The following DCTN1 variants were observed in gnomAD, a reference collection of about 807,000 sequenced individuals.
DCTN1 encodes 150 kDa dynein-associated polypeptide.
A neutral mutation model predicts 161.2 loss-of-function variants in DCTN1; 61 were observed. That is an observed-to-expected ratio of 0.38 (90% CI 0.31 to 0.47). DCTN1 has a LOEUF of 0.47. DCTN1 is among the 20% of genes least tolerant of loss of function. The pLI, the probability that DCTN1 is intolerant of heterozygous loss-of-function variation, is 0.99. For missense variants in DCTN1, 1,404 were observed against 1,623.7 expected (o/e 0.86, Z 2.33); for synonymous variants, 653 against 632.4 (o/e 1.03, Z -0.49).
intron 5 of DCTN1, among the ~76,000 whole-genome samples, chr2:74,376,008 G>T (rs915563286): frequency 6.6e-6 from 1 of 152,202 alleles, no homozygotes; most frequent in African/African-American, 2.4e-5. Flanking sequence ...AAAACAGCTT[G>T]GGCAGAGGCC....
upstream of DCTN1, among the ~76,000 whole-genome samples, chr2:74,380,818 C>G (rs907820270): frequency 2.6e-5 from 4 of 152,212 alleles, no homozygotes; most frequent in African/African-American, 9.6e-5. Flanking sequence ...TAGCCCCCTC[C>G]CACAAGGCTG....
chr2:74,382,238 T>C (rs548031427), upstream of DCTN1, among the ~76,000 whole-genome samples: 2 of 152,340 alleles, frequency 1.3e-5, no homozygotes, highest in African/African-American at 4.8e-5. Flanking sequence ...TATTTTCCTA[T>C]GAAATGAAAA....
Position 74,363,110 on chromosome 2 carries a change from C to A in DCTN1, c.3413G>T (p.Gly1138Val). Residue 1138 changes from glycine to valine, a missense_variant, in exon 29 of 32, where the codon GGC (glycine) becomes GTC (valine). Transcript: ENST00000628224. ...TCCAGCTGGTAACTCACTGCCAGGG[C>A]CCTCATGGGATAGCTTTGCAACATG... ...PLHVAKLSHE[G>V]PGSELPAGAL... 1 of 1,613,740 alleles carries A rather than the reference C, an allele frequency of 6.2e-7. No homozygotes were observed. The highest frequency in any genetic ancestry group is 8.5e-7 in the Non-Finnish European group (1 of 1,179,844).
At chr2:74,380,706 T>C, upstream of DCTN1, 2 of 389,632 alleles carry the variant, frequency 5.1e-6, no homozygotes, top group South Asian at 3.7e-5. Flanking sequence ...TGGATTTCAA[T>C]CTCACACTGA....
upstream of DCTN1, among the ~76,000 whole-genome samples, chr2:74,381,045 T>C (rs1008310909): frequency 1.3e-5 from 2 of 152,224 alleles, no homozygotes; most frequent in African/African-American, 4.8e-5. Context: ...AATGAAATGG[T>C]TTATTTTCTA....
chr2:74,362,336 A>T (rs1674069420), intron 30 of DCTN1, among the ~76,000 whole-genome samples, 195 bp from the exon 31 acceptor site: 1 of 152,104 alleles, frequency 6.6e-6, no homozygotes, highest in African/African-American at 2.4e-5. Context: ...CTCATCCTGT[A>T]AGGCCCAACT....
upstream of DCTN1, chr2:74,380,571 G>A (rs115156688): frequency 1.5e-3 from 684 of 471,680 alleles, 2 homozygotes; most frequent in Non-Finnish European, 2.5e-3. Context: ...ACTTCAAAGC[G>A]ATCAGCTGCC....
intron 21 of DCTN1, 33 bp from the exon 22 acceptor site, chr2:74,366,653 T>C: frequency 2.5e-6 from 4 of 1,613,226 alleles, no homozygotes; most frequent in Non-Finnish European, 3.4e-6. Flanking sequence ...GAGTCAACCC[T>C]GGGTTCAGCA....
intron 1 of DCTN1, 59 bp downstream of exon 1, chr2:74,379,946 C>T: frequency 6.4e-7 from 1 of 1,561,230 alleles, no homozygotes; most frequent in Non-Finnish European, 8.8e-7. Flanking sequence ...ATGATGTCCA[C>T]AGGCAGCCAG....
In DCTN1 at chr2:74,361,624, GCTC is replaced by G; in HGVS notation, c.3709_3711del (p.Glu1237del). 1 of 1,614,154 alleles carries G rather than the reference GCTC, an allele frequency of 6.2e-7. No individual in the cohort carries two copies. Among genetic ancestry groups the G allele is most frequent in the Non-Finnish European group, 8.5e-7 (1 of 1,180,030 alleles). Reference sequence around the variant, plus strand: ...CCCATGTAGACTGTGTCATCCTGCTGCTCCTCCTTGGCCTGGTGGTTGATGAGG... The same window carrying G: ...CCCATGTAGACTGTGTCATCCTGCTGCTCCTTGGCCTGGTGGTTGATGAGG... On this transcript the variant is annotated inframe_deletion, in exon 32 of 32. Coordinates refer to ENST00000628224, the MANE Select transcript of DCTN1 (RefSeq NM_004082.5).
At chr2:74,366,163 C>T (rs895893019) in intron 23 of DCTN1, 81 bp downstream of exon 23, 57 of 1,611,214 alleles carry the variant, frequency 3.5e-5, no homozygotes, top group Non-Finnish European at 4.2e-5. Context: ...CCTGTCTCCC[C>T]GTCCTCCCAC....
intron 4 of DCTN1, 107 bp from the exon 5 acceptor site, chr2:74,376,869 G>A (rs1012420291): frequency 7.2e-6 from 7 of 972,578 alleles, no homozygotes; most frequent in Non-Finnish European, 1.1e-5. Flanking sequence ...GGGGGAGTCA[G>A]GGTGAGATGA....
At chr2:74,381,658 G>C (rs754439414), upstream of DCTN1, among the ~76,000 whole-genome samples, 1 of 152,130 alleles carries the variant, frequency 6.6e-6, no homozygotes, top group Non-Finnish European at 1.5e-5. Flanking sequence ...ATAGAACCAT[G>C]GTTGAGTACT....
In DCTN1 at chr2:74,370,033, T is replaced by C. The variant is rs763480310; in HGVS notation, c.1324A>G (p.Met442Val). Residue 442 changes from methionine (M) to valine (V), a missense_variant, in exon 13 of 32, where the codon ATG becomes GTG. Physicochemically the swap from Met to Val is conservative, Grantham distance 21. Transcript: ENST00000628224. This position sits in a 1 kb window ranked among gnomAD's most constrained non-coding sequence, Gnocchi z 4.4. ...AALGAEEMVE[M>V]LTDRNLNLEE... ...AGATTCAGGTTCCGATCTGTCAGCA[T>C]CTCCACCATCTCCTCAGCACCCAGA... 3.7e-5 allele frequency: 60 copies of C among 1,614,004 alleles called. No homozygotes were observed. The highest frequency in any genetic ancestry group is 5.3e-5 in the African/African-American group (4 of 74,900).
In DCTN1 at chr2:74,361,253, C is replaced by T; in HGVS notation, c.*246G>A. Reference sequence around the variant, plus strand: ...GGGGTCTCAGCCTACCCCCCACAAGCCCTGAGGCCCCTCAGGAAGGAGGGA... The same window carrying T: ...GGGGTCTCAGCCTACCCCCCACAAGTCCTGAGGCCCCTCAGGAAGGAGGGA... On this transcript the variant is annotated 3_prime_UTR_variant, in exon 32 of 32. Transcript: ENST00000628224. The T allele has an allele frequency of 1.5e-6, 1 of 652,758 alleles. No homozygotes were observed. The allele number at this position is 652,758 out of a possible 1,614,324, so 40.4% of individuals were successfully genotyped here.
rs763894608 is a variant in DCTN1, at chr2:74,362,737, G to A, written c.3530-8C>T. The A allele has an allele frequency of 6.2e-7, 1 of 1,613,688 alleles. No individual in the cohort carries two copies. The highest frequency in any genetic ancestry group is 1.7e-5 in the Admixed American group (1 of 60,010). On this transcript the variant is annotated splice_polypyrimidine_tract_variant and splice_region_variant and intron_variant, in intron 29 of 31. Coordinates refer to ENST00000628224, the MANE Select transcript of DCTN1 (RefSeq NM_004082.5). ...CCGACGGGCTCTTGGCAGCTGTGGG[G>A]AGAGAAAGCTGGTGAGGCCCACCAA... is the stretch of plus-strand genomic sequence containing the variant.
chr2:74,362,545 C>T, intron 30 of DCTN1, 105 bp downstream of exon 30: 1 of 1,214,612 alleles, frequency 8.2e-7, no homozygotes, highest in Non-Finnish European at 1.2e-6. Context: ...CCATCTCCTC[C>T]CCAATTGCTG....
chr2:74,363,801 G>A (rs1027126050), intron 26 of DCTN1, 173 bp from the exon 27 acceptor site: 13 of 845,892 alleles, frequency 1.5e-5, no homozygotes, highest in African/African-American at 1.0e-4. Flanking sequence ...TTGGGGACGA[G>A]CAGATAAGTG....
chr2:74,368,620 T>C (rs1441542289), intron 16 of DCTN1, 108 bp downstream of exon 16: 12 of 1,504,490 alleles, frequency 8.0e-6, no homozygotes, highest in African/African-American at 2.7e-5. Context: ...CACTATACCA[T>C]AAACTCTTTG....
Sources: allele counts gnomAD v4.1 joint callset (sites outside exome capture counted in the v4.1 genomes callset), GRCh38; gene constraint gnomAD v4.1.1; non-coding constraint Gnocchi (gnomAD v3.1); transcripts MANE v1.5; gene names NCBI Gene and HGNC (gene_info 2026-07-23, HGNC 2026-07-21).